FOXP2: variants seen among roughly 807,000 people sequenced by gnomAD.
FOXP2 encodes forkhead box P2, also known as forkhead box protein P2.
In FOXP2, 12 loss-of-function variants were observed where a neutral mutation model predicts 115.8. The ratio of observed to expected loss-of-function variants is 0.10; its 90% CI spans 0.07 to 0.17. FOXP2 has a LOEUF of 0.17. Ranked by LOEUF, FOXP2 falls within the 10% of genes least tolerant of loss-of-function variation. The pLI, the probability that FOXP2 is intolerant of heterozygous loss-of-function variation, is 1.00. For synonymous variants in FOXP2, 328 were observed against 297.7 expected, an observed-to-expected ratio of 1.10 and a Z score of -1.05; for missense variants, 629 against 843.5, an observed-to-expected ratio of 0.75 and a Z score of 3.15.
chr7:114,593,685 A>T (rs1802551419), intron 3 of FOXP2, among the ~76,000 whole-genome samples: 1 of 151,386 alleles, frequency 6.6e-6, no homozygotes, highest in African/African-American at 2.4e-5. Flanking sequence ...TCCTTTTTGC[A>T]GAGTGTCTGG....
intron 1 of FOXP2, among the ~76,000 whole-genome samples, chr7:114,151,240 C>T (rs975092553): frequency 1.3e-5 from 2 of 151,912 alleles, no homozygotes; most frequent in African/African-American, 4.8e-5. Flanking sequence ...CATAATTAAA[C>T]AAACAAAGGA....
intron 2 of FOXP2, among the ~76,000 whole-genome samples, chr7:114,353,389 G>A (rs1053647907): frequency 7.6e-6 from 1 of 132,386 alleles, no homozygotes; most frequent in Admixed American, 8.5e-5. Flanking sequence ...GAGATTGGAG[G>A]CAAGCTGAGT....
intron 1 of FOXP2, among the ~76,000 whole-genome samples, chr7:114,279,003 G>A (rs1172739544): frequency 6.6e-6 from 1 of 152,080 alleles, no homozygotes; most frequent in Non-Finnish European, 1.5e-5. Flanking sequence ...GGTTATATGG[G>A]TAGATTAGAA....
intron 6 of FOXP2, among the ~76,000 whole-genome samples, chr7:114,634,781 G>C (rs1805124426): frequency 6.6e-6 from 1 of 151,956 alleles, no homozygotes; most frequent in Non-Finnish European, 1.5e-5. Context: ...ACATTTTAAT[G>C]AACCAGGATA....
At chr7:114,200,225 A>G (rs764018003) in intron 1 of FOXP2, among the ~76,000 whole-genome samples, 4 of 152,206 alleles carry the variant, frequency 2.6e-5, no homozygotes, top group African/African-American at 4.8e-5. Context: ...CAACAATTCA[A>G]TCAATCAAAT....
intron 1 of FOXP2, among the ~76,000 whole-genome samples, chr7:114,279,191 T>C (rs1796267733): frequency 1.3e-5 from 2 of 152,168 alleles, no homozygotes; most frequent in Non-Finnish European, 2.9e-5. Context: ...GTGTTACCCT[T>C]GAAACGTTTT....
At chr7:114,384,047 T>G (rs914628121) in intron 2 of FOXP2, among the ~76,000 whole-genome samples, 1 of 151,750 alleles carries the variant, frequency 6.6e-6, no homozygotes, top group Admixed American at 6.6e-5. Context: ...ACATTTCCTT[T>G]GTGCTCAGAG....
chr7:114,331,300 C>T (rs1423666279), intron 2 of FOXP2, among the ~76,000 whole-genome samples: 1 of 151,912 alleles, frequency 6.6e-6, no homozygotes, highest in Non-Finnish European at 1.5e-5. Context: ...TTTAAAATTC[C>T]TTTATTGGAC....
At chr7:114,330,371 G>A (rs541752613) in intron 2 of FOXP2, among the ~76,000 whole-genome samples, 2 of 151,430 alleles carry the variant, frequency 1.3e-5, no homozygotes, top group African/African-American at 4.9e-5. Context: ...GGTGGCTCAC[G>A]CCTATAATCC....
At chr7:114,189,663 A>G (rs1004229499) in intron 1 of FOXP2, among the ~76,000 whole-genome samples, 1 of 152,164 alleles carries the variant, frequency 6.6e-6, no homozygotes, top group African/African-American at 2.4e-5. Context: ...TATAGTTAAT[A>G]TATAGTTTAT....
rs200134424 is a variant in FOXP2, at chr7:114,249,973, G to A, written c.-101-38046G>A. Among the ~76,000 whole-genome samples, 159 of 115,144 alleles carry A rather than the reference G, an allele frequency of 1.4e-3. 1 individual carries two copies. Among genetic ancestry groups the A allele is most frequent in the African/African-American group, 5.0e-3 (143 of 28,578 alleles). 75.5% of individuals were successfully genotyped at this position (115,144 alleles called of 152,430 possible). A position where few individuals can be genotyped will look rare whatever the true frequency, so the allele number is the denominator to read the frequency against. On this transcript the variant is annotated intron_variant, in intron 1 of 17. Coordinates refer to the FOXP2 transcript ENST00000634411. ...CTCCCCCGACCCCACAACAGGCCCC[G>A]GTGTGTGATGTTCCCCTTCCTGTGT...
chr7:114,143,045 G>A (rs1792264983), intron 1 of FOXP2, among the ~76,000 whole-genome samples: 1 of 151,560 alleles, frequency 6.6e-6, no homozygotes, highest in Non-Finnish European at 1.5e-5. Context: ...CAACTCAGGT[G>A]GCTTCGGTGG....
Position 114,675,619 on chromosome 7 carries a change from A to G in FOXP2, c.2003+11183A>G, listed in dbSNP as rs1319545549. ...ATGTATTTATTTTGAATGCTTAGATACAAAGAGTTATCATCATTAATTCAA... is the reference window on the plus strand; with the variant it reads ...ATGTATTTATTTTGAATGCTTAGATGCAAAGAGTTATCATCATTAATTCAA... On this transcript the variant is annotated intron_variant, in intron 16 of 16. Coordinates refer to ENST00000350908, the MANE Select transcript of FOXP2 (RefSeq NM_014491.4). 3.9e-5 allele frequency among the ~76,000 whole-genome samples: 6 copies of G among 152,196 alleles called. No homozygotes were observed. The South Asian group carries it at 1.2e-3, about 31-fold the overall frequency.
chr7:114,266,782 T>C (rs533124324), intron 1 of FOXP2, among the ~76,000 whole-genome samples: 4 of 152,298 alleles, frequency 2.6e-5, no homozygotes, highest in East Asian at 3.9e-4. Context: ...CCACTGAACT[T>C]CATATATTTT....
intron 2 of FOXP2, among the ~76,000 whole-genome samples, chr7:114,484,387 G>C (rs1796683314): frequency 1.3e-5 from 2 of 151,830 alleles, no homozygotes; most frequent in South Asian, 4.1e-4. Flanking sequence ...TTTAGTGCAT[G>C]ATAATATTGA....
chr7:114,390,023 CA>C (rs11311566), intron 2 of FOXP2, among the ~76,000 whole-genome samples: 29,635 of 92,406 alleles, frequency 0.32, 1,885 homozygotes, highest in African/African-American at 0.39. Flanking sequence ...CATTCAGTGT[CA>C]AAAAAAAAAA....
chr7:114,546,499 C>T (rs1799931530), intron 3 of FOXP2, among the ~76,000 whole-genome samples: 1 of 152,198 alleles, frequency 6.6e-6, no homozygotes, highest in African/African-American at 2.4e-5. Context: ...GGTTGTTTTA[C>T]ATATGCCAGG....
intron 2 of FOXP2, among the ~76,000 whole-genome samples, chr7:114,516,817 T>C (rs1408328084): frequency 6.6e-6 from 1 of 152,072 alleles, no homozygotes; most frequent in African/African-American, 2.4e-5. Flanking sequence ...TGCCTCTGCC[T>C]CCTGAGTAGT....
intron 16 of FOXP2, among the ~76,000 whole-genome samples, chr7:114,683,738 C>T (rs546935212): frequency 1.3e-5 from 2 of 152,226 alleles, no homozygotes; most frequent in East Asian, 3.9e-4. Flanking sequence ...GAAACACAGC[C>T]TGAGTCTCCA....
Sources: gnomAD v4.1 joint callset for allele counts (sites outside exome capture counted in the v4.1 genomes callset) on GRCh38, gnomAD v4.1.1 for gene constraint, MANE v1.5 for transcripts, NCBI Gene and HGNC (gene_info 2026-07-23, HGNC 2026-07-21) for gene names.